SLC22A3: variants seen among roughly 807,000 people sequenced by gnomAD.
SLC22A3 encodes the protein EMT organic cation transporter 3.
Under a neutral mutation model 59.1 loss-of-function variants are expected in SLC22A3, and 51 were observed. The ratio of observed to expected loss-of-function variants is 0.86; its 90% CI spans 0.69 to 1.09. The LOEUF (loss-of-function observed/expected upper bound fraction) is 1.09, where lower values mean the gene tolerates loss of function less well. Ranked by LOEUF, SLC22A3 falls within the 50% of genes least tolerant of loss-of-function variation. The pLI, the probability that SLC22A3 is intolerant of heterozygous loss-of-function variation, is 0.00. For synonymous variants in SLC22A3, 325 were observed against 292.0 expected, an observed-to-expected ratio of 1.11 and a Z score of -1.15; for missense variants, 711 against 726.3, an observed-to-expected ratio of 0.98 and a Z score of 0.24.
In SLC22A3 at chr6:160,438,895, T is replaced by C. The variant is rs190054751; in HGVS notation, c.1288+1684T>C. On this transcript the variant is annotated intron_variant, in intron 7 of 10. Transcript: ENST00000275300. ...TGGCAATCCTTGCAGCTCCTTGGTG[T>C]CACTCCTATCTCTGCCTCCATATTC... Among the ~76,000 whole-genome samples, 438 of 152,214 alleles carry C rather than the reference T, an allele frequency of 2.9e-3. 1 individual carries two copies. Among genetic ancestry groups the C allele is most frequent in the African/African-American group, 9.8e-3 (405 of 41,524 alleles).
chr6:160,356,826 C>T (rs1048309637), intron 1 of SLC22A3, among the ~76,000 whole-genome samples: 2 of 152,144 alleles, frequency 1.3e-5, no homozygotes, highest in Non-Finnish European at 2.9e-5. Context: ...CAAATCATGG[C>T]TAATACTGTT....
chr6:160,348,931 G>A, intron 1 of SLC22A3, 83 bp downstream of exon 1: 5 of 1,531,762 alleles, frequency 3.3e-6, no homozygotes, highest in Non-Finnish European at 4.4e-6. Flanking sequence ...TGAGACGCTG[G>A]CCGCCAGGGG....
chr6:160,420,234 G>T (rs756966016), intron 5 of SLC22A3, among the ~76,000 whole-genome samples: 1 of 152,162 alleles, frequency 6.6e-6, no homozygotes, highest in African/African-American at 2.4e-5. Flanking sequence ...ATTTAAAGGT[G>T]CTTTAAAGAA....
At chr6:160,381,630 CGTT>C (rs1245979536) in intron 1 of SLC22A3, among the ~76,000 whole-genome samples, 3 of 152,112 alleles carry the variant, frequency 2.0e-5, no homozygotes, top group East Asian at 1.9e-4. Flanking sequence ...AATGTAAACT[CGTT>C]GATTTTATTT....
At chr6:160,427,805 T>C (rs1473968990) in intron 5 of SLC22A3, among the ~76,000 whole-genome samples, 1 of 152,224 alleles carries the variant, frequency 6.6e-6, no homozygotes, top group Non-Finnish European at 1.5e-5. Context: ...CAATTTGCCT[T>C]TTCATGGAAC....
chr6:160,400,343 T>C (rs1176178568), intron 2 of SLC22A3, among the ~76,000 whole-genome samples: 2 of 151,868 alleles, frequency 1.3e-5, no homozygotes, highest in South Asian at 2.1e-4. Flanking sequence ...GCCTTCCAAG[T>C]GGAGAAAGAG....
chr6:160,438,270 G>GGGA (rs775086414), intron 7 of SLC22A3, among the ~76,000 whole-genome samples: 3 of 152,116 alleles, frequency 2.0e-5, no homozygotes. Flanking sequence ...ACCAGGAACT[G>GGGA]GGAGGAGGAG....
At position 160,398,066 on chromosome 6, in the gene SLC22A3, G is replaced by A. The variant is rs1168787568; in HGVS notation, c.517G>A (p.Gly173Ser). Residue 173 changes from glycine (G) to serine (S), a missense_variant, in exon 2 of 11, where the codon GGC becomes AGC. Physicochemically the swap from Gly to Ser is moderately conservative, Grantham distance 56. Transcript: ENST00000275300. ...CTTCCTGACTGGAGCATTCACCTTAGGCTATGCAGCAGACAGGTAGGTACC... is the reference window on the plus strand; with the variant it reads ...CTTCCTGACTGGAGCATTCACCTTAAGCTATGCAGCAGACAGGTAGGTACC... ...LGFLTGAFTL[G>S]YAADRYGRIV... 22 of 1,613,500 alleles carry A rather than the reference G, an allele frequency of 1.4e-5. No individual in the cohort carries two copies. Among genetic ancestry groups the A allele is most frequent in the Non-Finnish European group, 1.8e-5 (21 of 1,179,500 alleles).
chr6:160,387,460 G>C (rs1472190101), intron 1 of SLC22A3, among the ~76,000 whole-genome samples: 4 of 152,172 alleles, frequency 2.6e-5, no homozygotes, highest in Non-Finnish European at 5.9e-5. Flanking sequence ...GGCTCCCAAG[G>C]AAATACATGT....
chr6:160,448,203 T>G (rs1788818395), intron 10 of SLC22A3, among the ~76,000 whole-genome samples: 1 of 152,186 alleles, frequency 6.6e-6, no homozygotes. Flanking sequence ...CTAGATGGAA[T>G]GGCATAGGCA....
At chr6:160,426,589 C>T (rs1787962060) in intron 5 of SLC22A3, among the ~76,000 whole-genome samples, 1 of 152,162 alleles carries the variant, frequency 6.6e-6, no homozygotes, top group Admixed American at 6.5e-5. Context: ...CACTCCAGAT[C>T]TTGTATTTCT....
At chr6:160,392,892 T>G (rs527541232) in intron 1 of SLC22A3, among the ~76,000 whole-genome samples, 4 of 151,352 alleles carry the variant, frequency 2.6e-5, no homozygotes, top group African/African-American at 7.3e-5. Flanking sequence ...TATCAGTGAT[T>G]ATTATTATTA....
chr6:160,410,662 T>C lies in SLC22A3; in HGVS notation c.858-67T>C, dbSNP rs1787209109. 3.1e-6 allele frequency: 3 copies of C among 982,494 alleles called. No individual in the cohort carries two copies. The Admixed American group carries it at 5.1e-5, about 17-fold the overall frequency. The allele number at this position is 982,494 out of a possible 1,614,324, so 60.9% of individuals were successfully genotyped here. The stretch of plus-strand genomic sequence containing the variant: ...GCAAGATCCATTTTGATAGAAAAAC[T>C]CAAGGCAATAGATTTTAGCGTTTGA... On this transcript the variant is annotated intron_variant, in intron 4 of 10. Transcript: ENST00000275300.
chr6:160,354,572 G>T (rs1784767067), intron 1 of SLC22A3, among the ~76,000 whole-genome samples: 1 of 152,182 alleles, frequency 6.6e-6, no homozygotes, highest in African/African-American at 2.4e-5. Flanking sequence ...CAGTTGTGGT[G>T]GTTCATGCCT....
At chr6:160,436,610 T>C (rs1788341313) in intron 5 of SLC22A3, among the ~76,000 whole-genome samples, 170 bp from the exon 6 acceptor site, 1 of 152,240 alleles carries the variant, frequency 6.6e-6, no homozygotes, top group South Asian at 2.1e-4. Flanking sequence ...GTGAATTTGA[T>C]GTGTTCTAAA....
At chr6:160,406,607 G>T (rs952238071) in intron 2 of SLC22A3, among the ~76,000 whole-genome samples, 1 of 152,200 alleles carries the variant, frequency 6.6e-6, no homozygotes, top group African/African-American at 2.4e-5. Flanking sequence ...CAAAACCTTC[G>T]TTTTGAAGAC....
chr6:160,418,283 C>G (rs1370844580), intron 5 of SLC22A3, among the ~76,000 whole-genome samples: 5 of 152,174 alleles, frequency 3.3e-5, no homozygotes, highest in African/African-American at 1.2e-4. Flanking sequence ...CTGGATGCTT[C>G]CTGCCCCTGG....
intron 5 of SLC22A3, among the ~76,000 whole-genome samples, chr6:160,428,962 G>A (rs746308434): frequency 1.2e-4 from 18 of 152,282 alleles, no homozygotes; most frequent in Non-Finnish European, 2.2e-4. Flanking sequence ...AATGTGACAT[G>A]CTTACTCCTG....
chr6:160,450,234 T>TC (rs1788899363), intron 10 of SLC22A3, among the ~76,000 whole-genome samples: 1 of 152,110 alleles, frequency 6.6e-6, no homozygotes, highest in South Asian at 2.1e-4. Flanking sequence ...TTTATAGACC[T>TC]CCCCCTAGGA....
Sources: allele counts gnomAD v4.1 joint callset (sites outside exome capture counted in the v4.1 genomes callset), GRCh38; gene constraint gnomAD v4.1.1; transcripts MANE v1.5; gene names NCBI Gene and HGNC (gene_info 2026-07-23, HGNC 2026-07-21).